The following DOCK5 variants were observed in gnomAD, a reference collection of about 807,000 sequenced individuals.
The protein encoded by DOCK5 is dedicator of cytokinesis protein 5.
DOCK5 carries 142 observed loss-of-function variants against 251.8 expected under a neutral mutation model. The ratio of observed to expected loss-of-function variants is 0.56; its 90% CI spans 0.49 to 0.65. The LOEUF (loss-of-function observed/expected upper bound fraction) is 0.65, where lower values mean the gene tolerates loss of function less well. Among genes scored for constraint, DOCK5 ranks in the 30% least tolerant of loss-of-function variants. DOCK5 has a pLI of 0.00. For synonymous variants in DOCK5, 842 were observed against 835.5 expected (o/e 1.01, Z -0.13); for missense variants, 2,111 against 2,312.3 (o/e 0.91, Z 1.79).
chr8:25,370,647 G>T (rs945064259), intron 34 of DOCK5, among the ~76,000 whole-genome samples: 1 of 152,116 alleles, frequency 6.6e-6, no homozygotes, highest in Admixed American at 6.6e-5. Context: ...AGGACTACAG[G>T]CATATGTCGC....
chr8:25,268,908 T>A (rs1586280878), intron 3 of DOCK5, 23 bp downstream of exon 3: 6 of 1,533,004 alleles, frequency 3.9e-6, no homozygotes, highest in Non-Finnish European at 5.3e-6. Flanking sequence ...ATTCACTTTT[T>A]AATTTCATTT....
intron 1 of DOCK5, among the ~76,000 whole-genome samples, chr8:25,217,896 A>G (rs1335274628): frequency 6.6e-6 from 1 of 152,258 alleles, no homozygotes; most frequent in Admixed American, 6.5e-5. Context: ...AGGCCACTGC[A>G]CCTACTAAGA....
At chr8:25,219,604 A>G (rs1387765728) in intron 1 of DOCK5, among the ~76,000 whole-genome samples, 2 of 152,092 alleles carry the variant, frequency 1.3e-5, no homozygotes, top group East Asian at 1.9e-4. Flanking sequence ...AAATATCTCT[A>G]TTCCACCCTT....
intron 37 of DOCK5, chr8:25,375,701 T>C: frequency 1.0e-6 from 1 of 984,196 alleles, no homozygotes; most frequent in Non-Finnish European, 1.2e-6. Context: ...AAGTAATATA[T>C]GGGCATTGTC....
intron 45 of DOCK5, among the ~76,000 whole-genome samples, chr8:25,397,658 T>C (rs77151925): frequency 1.4e-4 from 21 of 152,244 alleles, no homozygotes; most frequent in Non-Finnish European, 2.6e-4. Context: ...TACTTTTTCA[T>C]ATATATTGTT....
intron 1 of DOCK5, among the ~76,000 whole-genome samples, chr8:25,197,554 C>T (rs2117452529): frequency 7.0e-6 from 1 of 143,110 alleles, no homozygotes; most frequent in Non-Finnish European, 1.5e-5. Flanking sequence ...GATGCCCTCT[C>T]TTTAAGGATC....
chr8:25,412,341 G>GA lies in DOCK5; in HGVS notation c.*1044dup, dbSNP rs1239823352. ...CTCCTTTCAGAAGAAAAAATGGAGCGATTTAGGTGACCAAATATTACATAC... is the reference window on the plus strand; with the variant it reads ...CTCCTTTCAGAAGAAAAAATGGAGCGAATTTAGGTGACCAAATATTACATAC... On this transcript the variant is annotated 3_prime_UTR_variant, in exon 52 of 52. Transcript: ENST00000276440. 6.6e-6 allele frequency: 1 copy of GA among 152,034 alleles called. No individual in the cohort carries two copies. Among genetic ancestry groups the GA allele is most frequent in the African/African-American group, 2.4e-5 (1 of 41,402 alleles). 9.4% of individuals were successfully genotyped at this position (152,034 alleles called of 1,614,324 possible). A position where few individuals can be genotyped will look rare whatever the true frequency, so the allele number is the denominator to read the frequency against.
At chr8:25,335,849 A>G (rs756157984) in intron 21 of DOCK5, among the ~76,000 whole-genome samples, 40 of 152,238 alleles carry the variant, frequency 2.6e-4, no homozygotes, top group Non-Finnish European at 4.7e-4. Context: ...AAAAGGAATT[A>G]GGCTTCTTTT....
chr8:25,253,378 G>A (rs1227050136), intron 2 of DOCK5, among the ~76,000 whole-genome samples: 1 of 152,140 alleles, frequency 6.6e-6, no homozygotes, highest in African/African-American at 2.4e-5. Context: ...GACCGCAACA[G>A]ATCTTGGTTG....
chr8:25,254,666 T>C (rs1364068694), intron 2 of DOCK5, among the ~76,000 whole-genome samples: 1 of 151,176 alleles, frequency 6.6e-6, no homozygotes, highest in Non-Finnish European at 1.5e-5. Flanking sequence ...TCCCAGCTAC[T>C]TGAGAGGCTG....
At chr8:25,206,504 C>T (rs1802004634) in intron 1 of DOCK5, among the ~76,000 whole-genome samples, 1 of 152,092 alleles carries the variant, frequency 6.6e-6, no homozygotes, top group African/African-American at 2.4e-5. Flanking sequence ...AACAGTTGGC[C>T]CTTCCAAACT....
intron 1 of DOCK5, among the ~76,000 whole-genome samples, chr8:25,232,539 G>A (rs1282052683): frequency 6.6e-6 from 1 of 152,148 alleles, no homozygotes; most frequent in African/African-American, 2.4e-5. Flanking sequence ...TCAGGTTCTG[G>A]TGAGGGCAGT....
Position 25,411,491 on chromosome 8 carries a change from TC to T in DOCK5, c.*196del. ...GATAGAATTTTGAGGCCATGCCACC[TC>T]CCTTCCAGTCCACATGGAATTCCAG... On this transcript the variant is annotated 3_prime_UTR_variant, in exon 52 of 52. Coordinates refer to ENST00000276440, the MANE Select transcript of DOCK5 (RefSeq NM_024940.8). 1.5e-6 allele frequency: 1 copy of T among 664,242 alleles called. No individual in the cohort carries two copies. Among genetic ancestry groups the T allele is most frequent in the Non-Finnish European group, 2.2e-6 (1 of 457,976 alleles). The allele number at this position is 664,242 out of a possible 1,614,324, so 41.1% of individuals were successfully genotyped here.
chr8:25,409,603 C>T (rs1420764721), intron 50 of DOCK5: 1 of 154,968 alleles, frequency 6.5e-6, no homozygotes, highest in Admixed American at 6.3e-5. Context: ...AATCCCAGCA[C>T]TTTGGGAGGC....
intron 1 of DOCK5, among the ~76,000 whole-genome samples, chr8:25,186,685 T>C (rs1417566504): frequency 6.6e-6 from 1 of 151,722 alleles, no homozygotes; most frequent in African/African-American, 2.4e-5. Flanking sequence ...GGCCCCTAGA[T>C]GAAAGCATAT....
At chr8:25,406,108 G>A (rs1210989935) in intron 48 of DOCK5, among the ~76,000 whole-genome samples, 2 of 151,888 alleles carry the variant, frequency 1.3e-5, no homozygotes, top group Non-Finnish European at 2.9e-5. Flanking sequence ...ACAGGCGCCC[G>A]CCACCATGCC....
At chr8:25,281,451 A>C (rs1804190452) in intron 5 of DOCK5, among the ~76,000 whole-genome samples, 1 of 151,844 alleles carries the variant, frequency 6.6e-6, no homozygotes, top group Non-Finnish European at 1.5e-5. Flanking sequence ...AAAAAAAAAA[A>C]AAAGTGAACG....
intron 2 of DOCK5, among the ~76,000 whole-genome samples, chr8:25,266,377 G>C (rs770599121): frequency 1.3e-5 from 2 of 151,156 alleles, no homozygotes; most frequent in African/African-American, 4.9e-5. Context: ...CACCACGCCC[G>C]GCTAATTTTT....
chr8:25,276,549 G>A (rs1392448528), intron 4 of DOCK5, among the ~76,000 whole-genome samples: 1 of 152,126 alleles, frequency 6.6e-6, no homozygotes, highest in Non-Finnish European at 1.5e-5. Context: ...GGCTGATGGA[G>A]AGGAGAGTGG....
Sources: gnomAD v4.1 joint callset for allele counts (sites outside exome capture counted in the v4.1 genomes callset) on GRCh38, gnomAD v4.1.1 for gene constraint, MANE v1.5 for transcripts, NCBI Gene and HGNC (gene_info 2026-07-23, HGNC 2026-07-21) for gene names.